Variants in TRIM10 observed in about 807,000 individuals in gnomAD.
TRIM10 encodes the protein tripartite motif containing 10, also known as tripartite motif-containing protein 10.
A neutral mutation model predicts 40.0 loss-of-function variants in TRIM10; 42 were observed. The observed-to-expected ratio is 1.05, with a 90% CI of 0.82 to 1.36. The LOEUF (loss-of-function observed/expected upper bound fraction) is 1.36, where lower values mean the gene tolerates loss of function less well. Ranked by LOEUF, TRIM10 falls within the 40% of genes most tolerant of loss-of-function variation. The pLI is 0.00. For missense variants in TRIM10, 601 were observed against 608.3 expected, an observed-to-expected ratio of 0.99 and a Z score of 0.13; for synonymous variants, 260 against 239.5, an observed-to-expected ratio of 1.09 and a Z score of -0.79.
Position 30,158,491 on chromosome 6 carries a change from C to A in TRIM10, c.664G>T (p.Asp222Tyr), listed in dbSNP as rs749526932. 161 of 1,612,992 alleles carry A rather than the reference C, an allele frequency of 1.0e-4. No homozygotes were observed. Among genetic ancestry groups the A allele is most frequent in the Non-Finnish European group, 1.3e-4 (148 of 1,180,038 alleles). Residue 222 changes from aspartate (D) to tyrosine (Y), a missense_variant, in exon 3 of 7, where the codon GAT becomes TAT. Transcript: ENST00000449742. The stretch of plus-strand genomic sequence containing the variant: ...CAGATCTCCCCAGCAACCAGCAAAT[C>A]AAATTCATCCCGTTGCCTCAAGATG... ...GDILRQRDEF[D>Y]LLVAGEICRF... is the part of the protein sequence containing the mutation.
Position 30,160,655 on chromosome 6 carries a change from G to A in TRIM10, c.204C>T (p.Ser68=), listed in dbSNP as rs543644545. The change falls in exon 1 of 7, where the codon AGC becomes AGT. Residue 68 remains serine, a synonymous_variant. Transcript: ENST00000449742. ...PLCKEPFRPG[S]FRPNWQLANV... is the part of the protein sequence containing the mutation. ...TAGCCAGCTGCCAGTTGGGCCGGAA[G>A]CTCCCAGGACGGAAGGGTTCTTTGC... 24 of 1,614,270 alleles carry A rather than the reference G, an allele frequency of 1.5e-5. No individual in the cohort carries two copies. The East Asian group carries it at 3.6e-4, about 24-fold the overall frequency.
chr6:30,163,623 A>G (rs1255478299), upstream of TRIM10: 6 of 1,525,596 alleles, frequency 3.9e-6, no homozygotes. Flanking sequence ...ACTCGATTTC[A>G]GGGAAAGGGA....
upstream of TRIM10, chr6:30,163,712 G>C (rs761875911): frequency 6.2e-6 from 10 of 1,611,882 alleles, no homozygotes; most frequent in Non-Finnish European, 8.5e-6. Flanking sequence ...CCTGAAGGTG[G>C]TCCATGAGCT....
intron 1 of TRIM10, among the ~76,000 whole-genome samples, chr6:30,160,096 C>T (rs1318638): frequency 0.11 from 16,091 of 152,192 alleles, 1,319 homozygotes; most frequent in African/African-American, 0.21. Context: ...AACATTAACA[C>T]ATATACACAC....
chr6:30,160,685 T>G lies in TRIM10; in HGVS notation c.174A>C (p.Pro58=). The G allele has an allele frequency of 6.2e-7, 1 of 1,614,054 alleles. No homozygotes were observed. The highest frequency in any genetic ancestry group is 8.5e-7 in the Non-Finnish European group (1 of 1,180,010). ...GPDLEESPTC[P]LCKEPFRPGS... ...CAGGACGGAAGGGTTCTTTGCAGAG[T>G]GGGCAAGTAGGGGACTCCTCCAGGT... Residue 58 remains proline, a synonymous_variant, in exon 1 of 7, where the codon CCA becomes CCC. Transcript: ENST00000449742.
At position 30,153,803 on chromosome 6, in the gene TRIM10, A is replaced by T; in HGVS notation, c.*166T>A. ...ATTGGGGAAAGGACTTGATCAGTAGATTGAGAGTCCTCTCTTCTATCCCTT... is the reference window on the plus strand; with the variant it reads ...ATTGGGGAAAGGACTTGATCAGTAGTTTGAGAGTCCTCTCTTCTATCCCTT... On this transcript the variant is annotated 3_prime_UTR_variant, in exon 7 of 7. Transcript: ENST00000449742. The T allele has an allele frequency of 6.2e-7, 1 of 1,612,990 alleles. No homozygotes were observed. The highest frequency in any genetic ancestry group is 8.5e-7 in the Non-Finnish European group (1 of 1,179,998).
In TRIM10 at chr6:30,154,459, G is replaced by C; in HGVS notation, c.956C>G (p.Ser319Cys). The C allele has an allele frequency of 6.2e-7, 1 of 1,612,334 alleles. No homozygotes were observed. The highest frequency in any genetic ancestry group is 8.5e-7 in the Non-Finnish European group (1 of 1,180,014). The change falls in exon 7 of 7, where the codon TCC becomes TGC. Residue 319 changes from serine to cysteine, a missense_variant. Physicochemically the swap from Ser to Cys is moderately radical, Grantham distance 112. Coordinates refer to ENST00000449742, the MANE Select transcript of TRIM10 (RefSeq NM_006778.4). ...CTCGGACAAGAGGAGCTTGGGGTGG[G>C]AAGTCTGAGGGTCTAGAGAAATGTG... ...PAHISLDPQT[S>C]HPKLLLSEDH...
At position 30,157,652 on chromosome 6, in the gene TRIM10, A is replaced by ATTTTCTT. The variant is rs1772673209; in HGVS notation, c.757-268_757-262dup. The stretch of plus-strand genomic sequence containing the variant: ...AGGTGTTTGTCACCATGCCTGGCTA[A>ATTTTCTT]TTTTCTTTTTTTTTTTTTTTTTTTT... On this transcript the variant is annotated intron_variant, in intron 3 of 6. Transcript: ENST00000449742. Among the ~76,000 whole-genome samples, 37 of 111,024 alleles carry ATTTTCTT rather than the reference A, an allele frequency of 3.3e-4. 1 individual carries two copies. Among genetic ancestry groups the ATTTTCTT allele is most frequent in the Middle Eastern group, 4.6e-3 (1 of 216 alleles). 72.8% of individuals were successfully genotyped at this position (111,024 alleles called of 152,430 possible).
upstream of TRIM10, chr6:30,163,791 G>T: frequency 6.2e-7 from 1 of 1,612,986 alleles, no homozygotes; most frequent in Non-Finnish European, 8.5e-7. Flanking sequence ...CACACCTTCT[G>T]CCGGCTCTGC....
chr6:30,156,823 A>C (rs1000862230), intron 5 of TRIM10, 116 bp downstream of exon 5: 2 of 861,024 alleles, frequency 2.3e-6, no homozygotes, highest in East Asian at 2.5e-5. Flanking sequence ...AAATCAAGGC[A>C]CAGGAAGGAA....
At chr6:30,163,494 G>C, upstream of TRIM10, 2 of 738,376 alleles carry the variant, frequency 2.7e-6, no homozygotes, top group South Asian at 1.9e-5. Flanking sequence ...GGGTTCTAGG[G>C]AACACAAGAG....
chr6:30,163,757 G>A (rs764092263), upstream of TRIM10: 1 of 1,613,004 alleles, frequency 6.2e-7, no homozygotes, highest in Admixed American at 1.7e-5. Context: ...GCCGCTGGAG[G>A]ATGCGGTGAC....
At chr6:30,161,666 T>C (rs1209549131), upstream of TRIM10, among the ~76,000 whole-genome samples, 1 of 152,224 alleles carries the variant, frequency 6.6e-6, no homozygotes, top group Admixed American at 6.5e-5. Flanking sequence ...ATTTCATAAA[T>C]GAGAAAGCTG....
intron 1 of TRIM10, among the ~76,000 whole-genome samples, 180 bp downstream of exon 1, chr6:30,160,250 A>G (rs563973614): frequency 6.6e-6 from 1 of 152,330 alleles, no homozygotes; most frequent in Admixed American, 6.5e-5. Context: ...TGAACACAGA[A>G]CACACTCAAA....
upstream of TRIM10, chr6:30,163,348 G>A: frequency 2.6e-6 from 1 of 379,904 alleles, no homozygotes; most frequent in Non-Finnish European, 4.7e-6. Context: ...TGACCTCATG[G>A]TGTGCTCTGT....
chr6:30,155,846 A>T, intron 5 of TRIM10, 87 bp from the exon 6 acceptor site: 3 of 1,298,408 alleles, frequency 2.3e-6, no homozygotes, highest in Non-Finnish European at 3.3e-6. Context: ...GGCCAAGAAG[A>T]GGGAAGGGAC....
chr6:30,157,208 C>T (rs57491859), intron 4 of TRIM10, among the ~76,000 whole-genome samples, 154 bp from the exon 5 acceptor site: 4,031 of 152,266 alleles, frequency 0.026, 92 homozygotes, highest in Middle Eastern at 0.051. Flanking sequence ...TTTTGGGCAT[C>T]TATGGATATA....
Position 30,157,142 on chromosome 6 carries a change from T to C in TRIM10, c.780-88A>G. The C allele has an allele frequency of 3.7e-6, 5 of 1,341,978 alleles. No homozygotes were observed. In the South Asian group the frequency reaches 3.8e-5, roughly 10 times the overall value. The allele number at this position is 1,341,978 out of a possible 1,614,324, so 83.1% of individuals were successfully genotyped here. On this transcript the variant is annotated intron_variant, in intron 4 of 6. Coordinates refer to ENST00000449742, the MANE Select transcript of TRIM10 (RefSeq NM_006778.4). ...CTGGTCATCTTCTAATAGGGCATGATGGCGCTAGTTCCTGCAGGCAGACGT... is the reference window on the plus strand; with the variant it reads ...CTGGTCATCTTCTAATAGGGCATGACGGCGCTAGTTCCTGCAGGCAGACGT...
chr6:30,161,039 C>T lies in TRIM10; in HGVS notation c.-181G>A. ...CTCTGGCAGCCAGGGTTCTATTCTC[C>T]TGCCAACAGCAGAGATGGGAAATAG... On this transcript the variant is annotated 5_prime_UTR_variant, in exon 1 of 7. Coordinates refer to ENST00000449742, the MANE Select transcript of TRIM10 (RefSeq NM_006778.4). The T allele has an allele frequency of 1.6e-6, 1 of 637,308 alleles. No homozygotes were observed. 39.5% of individuals were successfully genotyped at this position (637,308 alleles called of 1,614,324 possible).
Sources: gnomAD v4.1 joint callset for allele counts (sites outside exome capture counted in the v4.1 genomes callset) on GRCh38, gnomAD v4.1.1 for gene constraint, MANE v1.5 for transcripts, NCBI Gene and HGNC (gene_info 2026-07-23, HGNC 2026-07-21) for gene names.